Variants in TPH2 observed in about 807,000 individuals in gnomAD.
TPH2 encodes the protein tryptophan hydroxylase 2.
A neutral mutation model predicts 59.1 loss-of-function variants in TPH2; 27 were observed. That is an observed-to-expected ratio of 0.46 (90% confidence interval 0.34 to 0.63). The LOEUF (loss-of-function observed/expected upper bound fraction) is 0.63. TPH2 is among the 30% of genes least tolerant of loss of function. The probability of loss-of-function intolerance (pLI) is 0.01; values close to 1 mark genes in which losing one functional copy is unlikely to be tolerated. For synonymous variants in TPH2, 220 were observed against 210.5 expected, an observed-to-expected ratio of 1.05 and a Z score of -0.39; for missense variants, 523 against 588.3, an observed-to-expected ratio of 0.89 and a Z score of 1.15.
intron 2 of TPH2, 131 bp from the exon 3 acceptor site, chr12:71,944,163 A>C: frequency 1.1e-6 from 1 of 894,476 alleles, no homozygotes; most frequent in South Asian, 1.5e-5. Context: ...AGTTTTATTC[A>C]AAGAACAAAG....
chr12:72,012,334 C>T (rs548519143), intron 8 of TPH2, among the ~76,000 whole-genome samples: 14 of 152,240 alleles, frequency 9.2e-5, no homozygotes, highest in Middle Eastern at 3.4e-3. Context: ...AGGAGGGCCA[C>T]CTAACCTGCC....
At chr12:71,973,559 A>T (rs1453704443) in intron 6 of TPH2, among the ~76,000 whole-genome samples, 5 of 152,218 alleles carry the variant, frequency 3.3e-5, no homozygotes, top group Non-Finnish European at 7.3e-5. Flanking sequence ...ACTCATGAAT[A>T]ATCCATTCCT....
intron 8 of TPH2, among the ~76,000 whole-genome samples, chr12:72,003,581 T>C (rs7295981): frequency 0.51 from 77,371 of 151,960 alleles, 20,086 homozygotes; most frequent in Middle Eastern, 0.59. Flanking sequence ...CTGGGTGCTC[T>C]GAGGCTACAC....
chr12:71,994,784 G>T (rs1043858465), intron 8 of TPH2, among the ~76,000 whole-genome samples: 1 of 152,176 alleles, frequency 6.6e-6, no homozygotes, highest in East Asian at 1.9e-4. Context: ...GGGTCAGCTA[G>T]AGATAAAGGG....
intron 8 of TPH2, among the ~76,000 whole-genome samples, chr12:72,008,406 T>C (rs11179039): frequency 0.52 from 79,045 of 151,968 alleles, 20,838 homozygotes; most frequent in Middle Eastern, 0.59. Context: ...TGGGATGAGT[T>C]AGCCACACAG....
At chr12:72,015,650 T>C (rs1873228139) in intron 8 of TPH2, among the ~76,000 whole-genome samples, 1 of 152,180 alleles carries the variant, frequency 6.6e-6, no homozygotes, top group African/African-American at 2.4e-5. Context: ...TAACCAAAGC[T>C]ACAGCCGCTG....
At chr12:71,998,931 G>T (rs1205016959) in intron 8 of TPH2, among the ~76,000 whole-genome samples, 1 of 152,286 alleles carries the variant, frequency 6.6e-6, no homozygotes, top group African/African-American at 2.4e-5. Flanking sequence ...TATTATTAAT[G>T]ACTCTTTTTC....
At chr12:72,011,856 T>A (rs999176169) in intron 8 of TPH2, among the ~76,000 whole-genome samples, 5 of 152,150 alleles carry the variant, frequency 3.3e-5, no homozygotes, top group Non-Finnish European at 7.3e-5. Flanking sequence ...GTTCCACCCT[T>A]CCTCACTGAC....
At chr12:72,026,080 A>C (rs920262201) in intron 9 of TPH2, among the ~76,000 whole-genome samples, 1 of 152,202 alleles carries the variant, frequency 6.6e-6, no homozygotes, top group Non-Finnish European at 1.5e-5. Flanking sequence ...ATTGCTAGCC[A>C]ATGAACTGGC....
chr12:71,967,765 T>C (rs2139200018), intron 5 of TPH2, among the ~76,000 whole-genome samples: 1 of 152,360 alleles, frequency 6.6e-6, no homozygotes, highest in Non-Finnish European at 1.5e-5. Context: ...TGTATTGAGT[T>C]GAATTCTACT....
At chr12:72,000,164 A>ATAT (rs1266498073) in intron 8 of TPH2, among the ~76,000 whole-genome samples, 1 of 152,260 alleles carries the variant, frequency 6.6e-6, no homozygotes, top group Non-Finnish European at 1.5e-5. Context: ...GACCAAGAAT[A>ATAT]TATAGTCACT....
chr12:71,998,013 G>A (rs1212927833), intron 8 of TPH2, among the ~76,000 whole-genome samples: 1 of 152,134 alleles, frequency 6.6e-6, no homozygotes, highest in African/African-American at 2.4e-5. Context: ...AGGATCAAGT[G>A]TCCTTCCAAG....
In TPH2 at chr12:71,949,569, A is replaced by C. The variant is rs1393210512; in HGVS notation, c.541-19A>C. 10 of 1,607,800 alleles carry C rather than the reference A, an allele frequency of 6.2e-6. No homozygotes were observed. The highest frequency in any genetic ancestry group is 3.3e-5 in the South Asian group (3 of 90,904). ...TTTTCAGCACTTTGTTAAATAACTT[A>C]ATCTTTTTTGTGTTTAAGGGATTTA... On this transcript the variant is annotated intron_variant, in intron 4 of 10. Transcript: ENST00000333850.
rs1873729995 is a variant in TPH2, at chr12:72,031,749, C to A, written c.*54C>A. The A allele has an allele frequency of 1.9e-6, 3 of 1,601,872 alleles. No homozygotes were observed. In the South Asian group the frequency reaches 3.3e-5, roughly 18 times the overall value. ...ATCTTTTTGGGGCTTAGCAGCAGTTCAGTCAATGTCATATAACGCAAATAA... is the reference window on the plus strand; with the variant it reads ...ATCTTTTTGGGGCTTAGCAGCAGTTAAGTCAATGTCATATAACGCAAATAA... On this transcript the variant is annotated 3_prime_UTR_variant, in exon 11 of 11. Transcript: ENST00000333850.
chr12:72,011,723 A>C (rs1010015046), intron 8 of TPH2, among the ~76,000 whole-genome samples: 28 of 152,300 alleles, frequency 1.8e-4, no homozygotes, highest in African/African-American at 6.7e-4. Flanking sequence ...AATGAAGGAG[A>C]CCAGAGACCA....
chr12:71,975,572 A>G (rs1029433003), intron 6 of TPH2, among the ~76,000 whole-genome samples: 1 of 151,942 alleles, frequency 6.6e-6, no homozygotes, highest in African/African-American at 2.4e-5. Flanking sequence ...GGCTCTCTTT[A>G]CCGTTGCTTA....
intron 9 of TPH2, among the ~76,000 whole-genome samples, chr12:72,023,246 A>G (rs1566171376): frequency 6.6e-6 from 1 of 152,330 alleles, no homozygotes; most frequent in South Asian, 2.1e-4. Flanking sequence ...AAATAATTTA[A>G]TCTTTCTTTG....
intron 5 of TPH2, 81 bp downstream of exon 5, chr12:71,949,736 C>A: frequency 1.6e-6 from 2 of 1,249,172 alleles, no homozygotes; most frequent in Non-Finnish European, 2.3e-6. Context: ...GTCATCTCTT[C>A]ACTTTAACTT....
chr12:72,011,567 A>G (rs546035796), intron 8 of TPH2, among the ~76,000 whole-genome samples: 75 of 152,254 alleles, frequency 4.9e-4, no homozygotes, highest in African/African-American at 1.6e-3. Flanking sequence ...ATCTGTTACA[A>G]ACTCGTCCAT....
Sources: gnomAD v4.1 joint callset for allele counts (sites outside exome capture counted in the v4.1 genomes callset) on GRCh38, gnomAD v4.1.1 for gene constraint, MANE v1.5 for transcripts, NCBI Gene and HGNC (gene_info 2026-07-23, HGNC 2026-07-21) for gene names.